Variants in KCNMA1 observed in about 807,000 individuals in gnomAD.
The protein encoded by KCNMA1 is potassium calcium-activated channel subfamily M alpha 1.
KCNMA1 carries 29 observed loss-of-function variants against 140.0 expected under a neutral mutation model. The observed-to-expected ratio is 0.21, with a 90% CI of 0.15 to 0.28. The LOEUF is 0.28. Ranked by LOEUF, KCNMA1 falls within the 10% of genes least tolerant of loss-of-function variation. The probability of loss-of-function intolerance (pLI) is 1.00; values close to 1 mark genes in which losing one functional copy is unlikely to be tolerated. For synonymous variants in KCNMA1, 612 were observed against 611.9 expected (o/e 1.00, Z 0.00); for missense variants, 880 against 1,602.2 (o/e 0.55, Z 7.70).
intron 23 of KCNMA1, among the ~76,000 whole-genome samples, chr10:76,941,557 G>C (rs1198667626): frequency 6.6e-6 from 1 of 152,154 alleles, no homozygotes; most frequent in Non-Finnish European, 1.5e-5. Context: ...AAAAACAAGA[G>C]AGGAGCAGAC....
At chr10:77,074,516 C>T (rs146909323) in intron 13 of KCNMA1, among the ~76,000 whole-genome samples, 18 of 152,314 alleles carry the variant, frequency 1.2e-4, no homozygotes, top group Middle Eastern at 3.4e-3. Context: ...AGAAGGCTCT[C>T]GTCCTCACAG....
At chr10:77,235,789 G>A (rs556172) in intron 3 of KCNMA1, among the ~76,000 whole-genome samples, 52,146 of 152,052 alleles carry the variant, frequency 0.34, 9,341 homozygotes, top group East Asian at 0.56. Context: ...CTCAAGAGAG[G>A]CCTCTCCTCC....
chr10:76,940,202 T>C (rs1165307170), intron 23 of KCNMA1, among the ~76,000 whole-genome samples: 3 of 152,224 alleles, frequency 2.0e-5, no homozygotes, highest in African/African-American at 4.8e-5. Context: ...TTTCTGTAAT[T>C]GTTTTTGACA....
intron 20 of KCNMA1, among the ~76,000 whole-genome samples, chr10:76,957,274 T>C (rs1021899733): frequency 4.0e-5 from 6 of 151,650 alleles, no homozygotes; most frequent in African/African-American, 1.2e-4. Context: ...GGCCAAATAA[T>C]GGCACCTAAA....
intron 2 of KCNMA1, among the ~76,000 whole-genome samples, chr10:77,338,490 C>G (rs553875144): frequency 1.3e-5 from 2 of 152,186 alleles, no homozygotes; most frequent in African/African-American, 4.8e-5. Flanking sequence ...CTTACAGACC[C>G]TAAGCCTCTG....
intron 2 of KCNMA1, among the ~76,000 whole-genome samples, chr10:77,261,231 T>C (rs977144904): frequency 1.3e-5 from 2 of 152,152 alleles, no homozygotes; most frequent in African/African-American, 4.8e-5. Flanking sequence ...AAATCATGCA[T>C]CCATCAGTAT....
chr10:77,252,839 C>T lies in KCNMA1; in HGVS notation c.541-1583G>A, dbSNP rs187379947. 1.4e-4 allele frequency among the ~76,000 whole-genome samples: 22 copies of T among 151,926 alleles called. No individual in the cohort carries two copies. In the East Asian group the frequency reaches 4.3e-3, roughly 29 times the overall value. On this transcript the variant is annotated intron_variant, in intron 2 of 27. Coordinates refer to ENST00000286628, the MANE Select transcript of KCNMA1 (RefSeq NM_001161352.2). ...TAAAATCTCCATATAAAGGGAGGTG[C>T]TAAAACAATACACCACTGAGGTTTA...
chr10:77,255,295 T>C (rs1484550713), intron 2 of KCNMA1, among the ~76,000 whole-genome samples: 1 of 151,888 alleles, frequency 6.6e-6, no homozygotes, highest in Non-Finnish European at 1.5e-5. Flanking sequence ...GGAACACACA[T>C]ACACGGTGTA....
intron 20 of KCNMA1, among the ~76,000 whole-genome samples, chr10:76,966,449 C>T (rs1339225988): frequency 6.6e-6 from 1 of 152,130 alleles, no homozygotes; most frequent in Non-Finnish European, 1.5e-5. Context: ...AAAAGGGGAT[C>T]AAGTGTACTT....
intron 2 of KCNMA1, among the ~76,000 whole-genome samples, chr10:77,337,119 T>C (rs1022833036): frequency 6.6e-6 from 1 of 152,184 alleles, no homozygotes; most frequent in East Asian, 1.9e-4. Context: ...ATCCACCACC[T>C]TGTAGGACTG....
intron 15 of KCNMA1, among the ~76,000 whole-genome samples, chr10:77,030,871 T>C (rs1379241383): frequency 6.6e-6 from 1 of 152,140 alleles, no homozygotes; most frequent in Non-Finnish European, 1.5e-5. Flanking sequence ...GAAGCCCCTT[T>C]TAAAAAGTCC....
At chr10:77,100,621 G>A (rs967873063) in intron 9 of KCNMA1, among the ~76,000 whole-genome samples, 26 of 152,180 alleles carry the variant, frequency 1.7e-4, no homozygotes, top group Admixed American at 2.0e-4. Flanking sequence ...ATAGTATGAT[G>A]ACAGCAGCAT....
At chr10:77,471,258 C>T (rs1730726139) in intron 1 of KCNMA1, among the ~76,000 whole-genome samples, 1 of 150,328 alleles carries the variant, frequency 6.7e-6, no homozygotes, top group African/African-American at 2.5e-5. Context: ...ACACACAACG[C>T]ACATACAACA....
At position 77,447,089 on chromosome 10, in the gene KCNMA1, G is replaced by A. The variant is rs150925911; in HGVS notation, c.379-43066C>T. ...GCTTTGCAAACAGCCCCCAGCTGTC[G>A]GTTCCTTCAGGCTCAGCCTCAGCTA... On this transcript the variant is annotated intron_variant, in intron 1 of 27. Transcript: ENST00000286628. Among the ~76,000 whole-genome samples the A allele has an allele frequency of 5.8e-3, 881 of 152,276 alleles. 3 individuals are homozygous for A. The highest frequency in any genetic ancestry group is 9.7e-3 in the Non-Finnish European group (661 of 68,014).
intron 1 of KCNMA1, among the ~76,000 whole-genome samples, chr10:77,632,415 A>AG (rs2093319409): frequency 6.6e-6 from 1 of 152,138 alleles, no homozygotes; most frequent in African/African-American, 2.4e-5. Context: ...ATGCTGGACA[A>AG]CCATACCTGC....
At chr10:76,907,124 A>G (rs2048122274) in intron 25 of KCNMA1, among the ~76,000 whole-genome samples, 1 of 152,194 alleles carries the variant, frequency 6.6e-6, no homozygotes, top group Admixed American at 6.5e-5. Flanking sequence ...AAATACAATG[A>G]CAGTTACCAG....
intron 5 of KCNMA1, among the ~76,000 whole-genome samples, chr10:77,158,708 G>A: frequency 6.6e-6 from 1 of 152,168 alleles, no homozygotes; most frequent in East Asian, 1.9e-4. Flanking sequence ...TTTCCCAGCA[G>A]AGGTTAAGTT....
At chr10:77,513,571 C>T (rs2049199786) in intron 1 of KCNMA1, among the ~76,000 whole-genome samples, 1 of 152,026 alleles carries the variant, frequency 6.6e-6, no homozygotes, top group African/African-American at 2.4e-5. Flanking sequence ...TCACAAATAT[C>T]AAAAAGAGCC....
In KCNMA1 at chr10:76,941,055, G is replaced by A. The variant is rs12770192; in HGVS notation, c.2902+3718C>T. 9.3e-3 allele frequency among the ~76,000 whole-genome samples: 543 copies of A among 58,188 alleles called. 14 individuals are homozygous for A. The highest frequency in any genetic ancestry group is 0.033 in the South Asian group (68 of 2,086). The allele number at this position is 58,188 out of a possible 152,430, so 38.2% of individuals were successfully genotyped here. A position where few individuals can be genotyped will look rare whatever the true frequency, so the allele number is the denominator to read the frequency against. On this transcript the variant is annotated intron_variant, in intron 23 of 27. Transcript: ENST00000286628. Reference sequence around the variant, plus strand: ...AAAGAAAGAAAGAAAGAAAGAAAGAGAAAGAAAGAAAGAAAAAGAAAGAAA... The same window carrying A: ...AAAGAAAGAAAGAAAGAAAGAAAGAAAAAGAAAGAAAGAAAAAGAAAGAAA...
Sources: allele counts gnomAD v4.1 joint callset (sites outside exome capture counted in the v4.1 genomes callset), GRCh38; gene constraint gnomAD v4.1.1; transcripts MANE v1.5; gene names NCBI Gene and HGNC (gene_info 2026-07-23, HGNC 2026-07-21).